Variants in PCDH15 observed in about 807,000 individuals in gnomAD.
PCDH15 encodes the protein protocadherin-15.
Under a neutral mutation model 178.5 loss-of-function variants are expected in PCDH15, and 129 were observed. That is an observed-to-expected ratio of 0.72 (90% confidence interval 0.63 to 0.84). The LOEUF is 0.84. Ranked by LOEUF, PCDH15 falls within the 40% of genes least tolerant of loss-of-function variation. PCDH15 has a pLI of 0.00. For missense variants in PCDH15, 2,230 were observed against 2,099.9 expected (o/e 1.06, Z -1.21); for synonymous variants, 800 against 732.0 (o/e 1.09, Z -1.50).
chr10:54,222,232 G>A (rs1331556171), intron 9 of PCDH15, among the ~76,000 whole-genome samples: 1 of 152,078 alleles, frequency 6.6e-6, no homozygotes, highest in Admixed American at 6.6e-5. Flanking sequence ...AGAATTTTTG[G>A]GCAGGGAACA....
chr10:54,120,679 C>A (rs1330968862), intron 15 of PCDH15, among the ~76,000 whole-genome samples: 1 of 151,636 alleles, frequency 6.6e-6, no homozygotes, highest in Non-Finnish European at 1.5e-5. Flanking sequence ...ACACTAAAAA[C>A]AAAAAAGAAG....
chr10:54,035,519 T>A (rs1005822478), intron 18 of PCDH15, among the ~76,000 whole-genome samples: 1 of 151,894 alleles, frequency 6.6e-6, no homozygotes, highest in East Asian at 1.9e-4. Context: ...CAAATTTAAT[T>A]AATAAAGGTT....
intron 3 of PCDH15, among the ~76,000 whole-genome samples, chr10:54,429,631 C>G (rs1288831454): frequency 6.6e-6 from 1 of 151,978 alleles, no homozygotes. Context: ...AAAGTAAAGG[C>G]ACGGAAAAAT....
intron 2 of PCDH15, chr10:55,366,334 TCTG>T (rs1275542258): frequency 6.6e-6 from 1 of 152,138 alleles, no homozygotes. Context: ...CATAAGCAAT[TCTG>T]CTGACTTATT....
chr10:54,285,407 G>A (rs1048576406), intron 8 of PCDH15, among the ~76,000 whole-genome samples: 1 of 151,742 alleles, frequency 6.6e-6, no homozygotes, highest in African/African-American at 2.4e-5. Context: ...ATTAAACAAT[G>A]GGCAAAAAAA....
chr10:54,614,138 C>A (rs1054890983), intron 2 of PCDH15, among the ~76,000 whole-genome samples: 4 of 151,744 alleles, frequency 2.6e-5, no homozygotes. Flanking sequence ...ATACACTAGA[C>A]CTATATGCAC....
rs186998509 is a variant in PCDH15, at chr10:54,728,921, A to T, written c.-28-64631T>A. On this transcript the variant is annotated intron_variant, in intron 1 of 37. Transcript: ENST00000644397. ...ATAAAACACTGCTGAAAGAAATCAG[A>T]AATGAAACAAACAAATGGAAATACA... is the stretch of plus-strand genomic sequence containing the variant. Among the ~76,000 whole-genome samples, 472 of 151,742 alleles carry T rather than the reference A, an allele frequency of 3.1e-3. 1 individual carries two copies. The highest frequency in any genetic ancestry group is 8.4e-3 in the Admixed American group (127 of 15,136).
At chr10:54,256,766 C>T (rs530012028) in intron 8 of PCDH15, among the ~76,000 whole-genome samples, 1 of 152,152 alleles carries the variant, frequency 6.6e-6, no homozygotes, top group African/African-American at 2.4e-5. Context: ...ATTTCTTTAG[C>T]CTTCCATTTA....
At chr10:54,221,084 T>C (rs2052755605) in intron 9 of PCDH15, among the ~76,000 whole-genome samples, 1 of 152,080 alleles carries the variant, frequency 6.6e-6, no homozygotes, top group African/African-American at 2.4e-5. Flanking sequence ...TCCCACCTAC[T>C]GGGGAGGTTC....
chr10:53,842,052 T>C (rs1406899139), intron 28 of PCDH15, among the ~76,000 whole-genome samples: 2 of 152,094 alleles, frequency 1.3e-5, no homozygotes, highest in Non-Finnish European at 2.9e-5. Context: ...AGATTTTTTT[T>C]CCTGAGAGAT....
intron 2 of PCDH15, among the ~76,000 whole-genome samples, chr10:54,545,025 G>C (rs2085687685): frequency 6.6e-6 from 1 of 152,024 alleles, no homozygotes; most frequent in Admixed American, 6.6e-5. Context: ...ACAAATGTCT[G>C]TACTCTAAAG....
chr10:53,931,954 C>A (rs1341411674), intron 25 of PCDH15, among the ~76,000 whole-genome samples: 1 of 152,142 alleles, frequency 6.6e-6, no homozygotes, highest in Admixed American at 6.6e-5. Flanking sequence ...TGATTTTTAT[C>A]ACTCAGACTT....
At chr10:55,021,663 T>C (rs577977114) in intron 2 of PCDH15, among the ~76,000 whole-genome samples, 1 of 152,336 alleles carries the variant, frequency 6.6e-6, no homozygotes, top group African/African-American at 2.4e-5. Context: ...AGCATAAATG[T>C]CTGGCTGTTG....
At chr10:54,446,070 T>C (rs60659647) in intron 3 of PCDH15, among the ~76,000 whole-genome samples, 2,845 of 151,660 alleles carry the variant, frequency 0.019, 90 homozygotes, top group African/African-American at 0.065. Context: ...TTTTCTCACC[T>C]GGCTTAAAAG....
intron 18 of PCDH15, among the ~76,000 whole-genome samples, chr10:54,063,348 T>G (rs2094070219): frequency 6.6e-6 from 1 of 152,182 alleles, no homozygotes; most frequent in African/African-American, 2.4e-5. Flanking sequence ...AGATTCCAAC[T>G]TCTCTCAACT....
chr10:54,894,984 G>T (rs1029044632), intron 3 of PCDH15, among the ~76,000 whole-genome samples: 1 of 152,106 alleles, frequency 6.6e-6, no homozygotes, highest in East Asian at 1.9e-4. Context: ...CTTGCAACGT[G>T]CCTATCTATA....
intron 25 of PCDH15, among the ~76,000 whole-genome samples, chr10:53,927,115 G>C (rs1052094368): frequency 2.0e-5 from 3 of 150,936 alleles, no homozygotes; most frequent in African/African-American, 7.3e-5. Flanking sequence ...AAAAGTACTA[G>C]TCTGTTTGGA....
chr10:55,088,264 A>G (rs16906908), intron 2 of PCDH15, among the ~76,000 whole-genome samples: 6,159 of 151,536 alleles, frequency 0.041, 302 homozygotes, highest in East Asian at 0.15. Flanking sequence ...TAACACTACT[A>G]TGGAAGCATG....
chr10:54,916,235 C>G (rs113645805), intron 2 of PCDH15, among the ~76,000 whole-genome samples: 1 of 152,192 alleles, frequency 6.6e-6, no homozygotes, highest in Admixed American at 6.5e-5. Context: ...GCTGGGATTA[C>G]AGGCATGAGC....
Sources: allele counts gnomAD v4.1 joint callset (sites outside exome capture counted in the v4.1 genomes callset), GRCh38; gene constraint gnomAD v4.1.1; transcripts MANE v1.5; gene names NCBI Gene and HGNC (gene_info 2026-07-23, HGNC 2026-07-21).